The following CDCP1 variants were observed in gnomAD, a reference collection of about 807,000 sequenced individuals.
The protein encoded by CDCP1 is CUB domain containing protein 1.
In CDCP1, 29 loss-of-function variants were observed where a neutral mutation model predicts 60.2. That is an observed-to-expected ratio of 0.48 (90% CI 0.36 to 0.66). CDCP1 has a LOEUF of 0.66. CDCP1 is among the 30% of genes least tolerant of loss of function. The pLI is 0.00. For missense variants in CDCP1, 876 were observed against 1,074.3 expected, an observed-to-expected ratio of 0.82 and a Z score of 2.58; for synonymous variants, 387 against 431.1, an observed-to-expected ratio of 0.90 and a Z score of 1.27.
rs141028567 is a variant in CDCP1 at position 45,090,565 on chromosome 3, A to G, written c.1993+608T>C. ...TATTATCTACTCTCTGTAGATGAGGAAGATCATAGGTGTGAAGAGACTTCC... is the reference window on the plus strand; with the variant it reads ...TATTATCTACTCTCTGTAGATGAGGGAGATCATAGGTGTGAAGAGACTTCC... On this transcript the variant is annotated intron_variant, in intron 7 of 8. Transcript: ENST00000296129. 7.6e-3 allele frequency among the ~76,000 whole-genome samples: 1,162 copies of G among 152,336 alleles called. 15 individuals carry two copies. Among genetic ancestry groups the G allele is most frequent in the African/African-American group, 0.027 (1,108 of 41,574 alleles).
chr3:45,120,976 C>A (rs1484317191), intron 1 of CDCP1, among the ~76,000 whole-genome samples: 1 of 152,146 alleles, frequency 6.6e-6, no homozygotes, highest in Non-Finnish European at 1.5e-5. Flanking sequence ...CAGGAGGCAG[C>A]AGGAACTTGC....
intron 8 of CDCP1, among the ~76,000 whole-genome samples, 177 bp downstream of exon 8, chr3:45,088,877 G>A (rs1698243991): frequency 6.6e-6 from 1 of 151,020 alleles, no homozygotes; most frequent in Non-Finnish European, 1.5e-5. Flanking sequence ...TCACCCCCAG[G>A]CATGGGATTT....
At chr3:45,100,668 C>T (rs1341155078) in intron 4 of CDCP1, among the ~76,000 whole-genome samples, 1 of 151,896 alleles carries the variant, frequency 6.6e-6, no homozygotes, top group Non-Finnish European at 1.5e-5. Context: ...TTTAAAAATA[C>T]AAAAAAATTG....
At chr3:45,137,768 C>T (rs1312623106) in intron 1 of CDCP1, among the ~76,000 whole-genome samples, 4 of 146,300 alleles carry the variant, frequency 2.7e-5, no homozygotes, top group East Asian at 4.0e-4. Context: ...TGCAGTGAGT[C>T]GAGATCATGC....
intron 5 of CDCP1, among the ~76,000 whole-genome samples, chr3:45,094,765 G>T (rs1488291774): frequency 6.6e-6 from 1 of 152,070 alleles, no homozygotes; most frequent in African/African-American, 2.4e-5. Context: ...CAAGAGAGGA[G>T]AGGATCTCAC....
chr3:45,091,943 G>A lies in CDCP1; in HGVS notation c.1628-405C>T, dbSNP rs1270913061. ...CGAGTAGCTAGGACTACAGGCATGA[G>A]CCACCATGACCGGCTAATTTTTTGT... On this transcript the variant is annotated intron_variant, in intron 6 of 8. Coordinates refer to ENST00000296129, the MANE Select transcript of CDCP1 (RefSeq NM_022842.5). This position sits in a 1 kb window ranked among gnomAD's most constrained non-coding sequence, Gnocchi z 4.8. Among the ~76,000 whole-genome samples the A allele has an allele frequency of 1.3e-5, 2 of 152,138 alleles. No homozygotes were observed. The highest frequency in any genetic ancestry group is 1.3e-4 in the Admixed American group (2 of 15,276).
In CDCP1 at chr3:45,091,273, G is replaced by C. The variant is rs746904977; in HGVS notation, c.1893C>G (p.Phe631Leu). Reference sequence around the variant, plus strand: ...TGTTGACCCAGAAGCTGTGATGGTGGAAGCTTGGCTTGGGGAGCACATCCT... The same window carrying C: ...TGTTGACCCAGAAGCTGTGATGGTGCAAGCTTGGCTTGGGGAGCACATCCT... ...LDEDVLPKPS[F>L]HHHSFWVNIS... The change falls in exon 7 of 9, where the codon TTC becomes TTG. Residue 631 changes from phenylalanine to leucine, a missense_variant. By Grantham distance (22) the Phe-to-Leu change is conservative. Transcript: ENST00000296129. The surrounding 1 kb of genome is among the most constrained non-coding windows in gnomAD (Gnocchi z 4.8). 6.8e-6 allele frequency: 11 copies of C among 1,613,950 alleles called. No individual in the cohort carries two copies. The highest frequency in any genetic ancestry group is 9.3e-6 in the Non-Finnish European group (11 of 1,180,038).
At chr3:45,090,517 T>C (rs1189418369) in intron 7 of CDCP1, among the ~76,000 whole-genome samples, 1 of 152,216 alleles carries the variant, frequency 6.6e-6, no homozygotes, top group African/African-American at 2.4e-5. Flanking sequence ...CCGAATCCCA[T>C]GATACTTTTA....
At chr3:45,127,507 C>T (rs144769387) in intron 1 of CDCP1, among the ~76,000 whole-genome samples, 3 of 152,350 alleles carry the variant, frequency 2.0e-5, no homozygotes, top group African/African-American at 7.2e-5. Context: ...AAGCCCTGGC[C>T]TGCAGGACTC....
intron 1 of CDCP1, among the ~76,000 whole-genome samples, chr3:45,125,072 T>TGACTTAA (rs1698954966): frequency 6.6e-6 from 1 of 152,214 alleles, no homozygotes; most frequent in Admixed American, 6.5e-5. Context: ...AGAAGGCGTA[T>TGACTTAA]GACTTAAGAT....
chr3:45,099,146 A>G (rs1450229689), intron 4 of CDCP1, among the ~76,000 whole-genome samples: 1 of 135,162 alleles, frequency 7.4e-6, no homozygotes, highest in Non-Finnish European at 1.6e-5. Context: ...TTTAATTTTT[A>G]CTTTCTTTTT....
At chr3:45,145,281 C>T (rs535011604) in intron 1 of CDCP1, among the ~76,000 whole-genome samples, 2 of 152,272 alleles carry the variant, frequency 1.3e-5, no homozygotes, top group East Asian at 3.9e-4. Flanking sequence ...ACATGGCTTC[C>T]TGGAGAGCTC....
Position 45,124,109 on chromosome 3 carries a change from T to C in CDCP1, c.83-5488A>G, listed in dbSNP as rs1215836758. 5.3e-5 allele frequency among the ~76,000 whole-genome samples: 8 copies of C among 152,198 alleles called. No homozygotes were observed. The South Asian group carries it at 6.2e-4, about 12-fold the overall frequency. Reference sequence around the variant, plus strand: ...TTGGGGGAAGAATTTCCATTTGTTTTAATCATCATTCATGATTCACCATTC... The same window carrying C: ...TTGGGGGAAGAATTTCCATTTGTTTCAATCATCATTCATGATTCACCATTC... On this transcript the variant is annotated intron_variant, in intron 1 of 8. Transcript: ENST00000296129.
At chr3:45,108,523 A>C (rs1013901967) in intron 4 of CDCP1, among the ~76,000 whole-genome samples, 1 of 151,996 alleles carries the variant, frequency 6.6e-6, no homozygotes, top group African/African-American at 2.4e-5. Context: ...TCTAAGCAGC[A>C]TTCCACCATG....
chr3:45,112,026 A>G, intron 3 of CDCP1, 57 bp downstream of exon 3: 1 of 1,570,946 alleles, frequency 6.4e-7, no homozygotes, highest in Non-Finnish European at 8.6e-7. Context: ...CTGACCTAGA[A>G]CAATGATGAT....
Position 45,082,689 on chromosome 3 carries a change from T to C in CDCP1, c.*2949A>G, listed in dbSNP as rs961353111. 1.3e-5 allele frequency: 2 copies of C among 152,246 alleles called. No individual in the cohort carries two copies. Among genetic ancestry groups the C allele is most frequent in the Non-Finnish European group, 2.9e-5 (2 of 68,074 alleles). 9.4% of individuals were successfully genotyped at this position (152,246 alleles called of 1,614,324 possible). On this transcript the variant is annotated 3_prime_UTR_variant, in exon 9 of 9. Coordinates refer to ENST00000296129, the MANE Select transcript of CDCP1 (RefSeq NM_022842.5). Reference sequence around the variant, plus strand: ...GGCTTGTGCTTGTTCCAGTTGACTCTTCCTTGAGACCTTTCCCTTCTGTGC... The same window carrying C: ...GGCTTGTGCTTGTTCCAGTTGACTCCTCCTTGAGACCTTTCCCTTCTGTGC...
intron 1 of CDCP1, among the ~76,000 whole-genome samples, chr3:45,126,773 G>T (rs2126004432): frequency 6.6e-6 from 1 of 152,208 alleles, no homozygotes; most frequent in Non-Finnish European, 1.5e-5. Flanking sequence ...CTTAATATTA[G>T]GCAGCCCCGT....
intron 1 of CDCP1, among the ~76,000 whole-genome samples, chr3:45,128,259 G>A (rs1157014731): frequency 6.6e-6 from 1 of 152,228 alleles, no homozygotes; most frequent in Non-Finnish European, 1.5e-5. Flanking sequence ...TAGGACAAGG[G>A]CATGCACAGT....
chr3:45,086,775 G>A (rs868214032), intron 8 of CDCP1, among the ~76,000 whole-genome samples: 1 of 152,252 alleles, frequency 6.6e-6, no homozygotes, highest in South Asian at 2.1e-4. Context: ...ACTTGGACCT[G>A]CATGGGCATT....
Sources: allele counts gnomAD v4.1 joint callset (sites outside exome capture counted in the v4.1 genomes callset), GRCh38; gene constraint gnomAD v4.1.1; non-coding constraint Gnocchi (gnomAD v3.1); transcripts MANE v1.5; gene names NCBI Gene and HGNC (gene_info 2026-07-23, HGNC 2026-07-21).